ROBO2: variants seen among roughly 807,000 people sequenced by gnomAD.
The protein encoded by ROBO2 is roundabout guidance receptor 2.
A neutral mutation model predicts 160.8 loss-of-function variants in ROBO2; 53 were observed. The ratio of observed to expected loss-of-function variants is 0.33; its 90% confidence interval spans 0.26 to 0.41. The LOEUF (loss-of-function observed/expected upper bound fraction) is 0.41. ROBO2 is among the 10% of genes least tolerant of loss of function. The pLI is 1.00. For missense variants in ROBO2, 1,577 were observed against 1,722.4 expected (o/e 0.92, Z 1.49); for synonymous variants, 664 against 611.7 (o/e 1.09, Z -1.26).
chr3:77,567,950 C>A (rs56049528), intron 12 of ROBO2, among the ~76,000 whole-genome samples: 21,765 of 151,982 alleles, frequency 0.14, 1,739 homozygotes, highest in South Asian at 0.18. Context: ...AACATCTGTA[C>A]AAAGCTGCTC....
chr3:77,548,146 T>TACATAC (rs1193031709), intron 7 of ROBO2, among the ~76,000 whole-genome samples: 2 of 149,898 alleles, frequency 1.3e-5, no homozygotes, highest in Non-Finnish European at 3.0e-5. Flanking sequence ...CACATACACA[T>TACATAC]ACATACACAT....
chr3:77,381,685 A>C (rs1263912222), intron 2 of ROBO2, among the ~76,000 whole-genome samples: 1 of 152,236 alleles, frequency 6.6e-6, no homozygotes, highest in East Asian at 1.9e-4. Context: ...GCTGTGAAGA[A>C]GAAAAATGAC....
chr3:76,732,473 C>T (rs1178084588), intron 2 of ROBO2, among the ~76,000 whole-genome samples: 4 of 151,974 alleles, frequency 2.6e-5, no homozygotes, highest in Non-Finnish European at 2.9e-5. Flanking sequence ...TAGGAGGCAG[C>T]GTGTGGGAAA....
intron 1 of ROBO2, among the ~76,000 whole-genome samples, chr3:77,059,859 T>G (rs1482945317): frequency 6.6e-6 from 1 of 152,100 alleles, no homozygotes; most frequent in African/African-American, 2.4e-5. Context: ...TTTTGTTGCT[T>G]TAATCACAGT....
chr3:76,055,108 A>G (rs1392407056), intron 2 of ROBO2, among the ~76,000 whole-genome samples: 2 of 152,178 alleles, frequency 1.3e-5, no homozygotes, highest in Admixed American at 6.5e-5. Context: ...CACATCTTAC[A>G]TGGCGGCAGG....
At chr3:76,813,223 A>G (rs530668548) in intron 2 of ROBO2, among the ~76,000 whole-genome samples, 1 of 152,192 alleles carries the variant, frequency 6.6e-6, no homozygotes, top group Admixed American at 6.5e-5. Flanking sequence ...GACATTTTCC[A>G]TGTTTAAATA....
intron 2 of ROBO2, among the ~76,000 whole-genome samples, chr3:76,272,937 AATATATAAAATATAT>A (rs1707631141): frequency 4.3e-5 from 1 of 23,326 alleles, no homozygotes; most frequent in Non-Finnish European, 1.4e-4. Context: ...TTTATATATA[AATATATAAAATATAT>A]AATATATATT....
intron 2 of ROBO2, among the ~76,000 whole-genome samples, chr3:76,711,159 A>G (rs765132578): frequency 5.9e-5 from 9 of 152,224 alleles, no homozygotes; most frequent in Non-Finnish European, 1.3e-4. Context: ...AAAGAGGTTT[A>G]GTTGACTCAC....
intron 2 of ROBO2, among the ~76,000 whole-genome samples, chr3:76,104,138 G>C (rs1229901257): frequency 1.3e-5 from 2 of 152,088 alleles, no homozygotes; most frequent in Non-Finnish European, 2.9e-5. Context: ...AACAAATCTG[G>C]AGAAAATATA....
chr3:77,560,695 A>T lies in ROBO2; in HGVS notation c.1438-1956A>T, dbSNP rs1035742714. Among the ~76,000 whole-genome samples the T allele has an allele frequency of 5.3e-5, 8 of 152,264 alleles. No homozygotes were observed. The East Asian group carries it at 1.6e-3, about 30-fold the overall frequency. On this transcript the variant is annotated intron_variant, in intron 9 of 25. Transcript: ENST00000461745. Reference sequence around the variant, plus strand: ...ATCTTTATCTTTTGAGAAGTAGAATATTCCAGCACTCATTAAAATATACCT... The same window carrying T: ...ATCTTTATCTTTTGAGAAGTAGAATTTTCCAGCACTCATTAAAATATACCT...
intron 2 of ROBO2, among the ~76,000 whole-genome samples, chr3:77,212,603 C>G (rs2084332726): frequency 1.3e-5 from 2 of 152,112 alleles, no homozygotes; most frequent in African/African-American, 4.8e-5. Flanking sequence ...CCAGAACTTC[C>G]AACACTATGT....
In ROBO2 at chr3:77,487,981, A is replaced by C. The variant is rs147060008; in HGVS notation, c.668-5263A>C. 2.3e-3 allele frequency among the ~76,000 whole-genome samples: 355 copies of C among 152,286 alleles called. 1 individual carries two copies. The highest frequency in any genetic ancestry group is 8.1e-3 in the African/African-American group (338 of 41,566). On this transcript the variant is annotated intron_variant, in intron 4 of 25. Coordinates refer to ENST00000461745, the Ensembl canonical transcript of ROBO2. ...GGGCACTTAATTTTTTCATGTAACT[A>C]AGTAACTTAAGAGATACTATGCAAC...
intron 2 of ROBO2, among the ~76,000 whole-genome samples, chr3:77,391,111 T>A (rs1337414785): frequency 5.3e-5 from 8 of 152,142 alleles, no homozygotes; most frequent in African/African-American, 1.9e-4. Context: ...CAAGGGTCTA[T>A]GATTTTGGAG....
chr3:76,458,645 A>C, intron 2 of ROBO2, among the ~76,000 whole-genome samples: 1 of 152,144 alleles, frequency 6.6e-6, no homozygotes, highest in Non-Finnish European at 1.5e-5. Context: ...CACGCTGCTG[A>C]TAAAGACATA....
In ROBO2 at chr3:76,838,716, T is replaced by C. The variant is rs183381201; in HGVS notation, c.110-259298T>C. On this transcript the variant is annotated intron_variant, in intron 2 of 26. Coordinates refer to the ROBO2 transcript ENST00000487694. Reference sequence around the variant, plus strand: ...GTAAATTACAAATGACCTTATGGCATTATGTTATTCATTGTAAGGGCTCCG... The same window carrying C: ...GTAAATTACAAATGACCTTATGGCACTATGTTATTCATTGTAAGGGCTCCG... Among the ~76,000 whole-genome samples the C allele has an allele frequency of 1.8e-3, 275 of 152,174 alleles. 2 individuals are homozygous for C. The highest frequency in any genetic ancestry group is 3.1e-3 in the South Asian group (15 of 4,828).
At chr3:76,791,149 C>A (rs866207838) in intron 2 of ROBO2, among the ~76,000 whole-genome samples, 3 of 151,680 alleles carry the variant, frequency 2.0e-5, no homozygotes, top group African/African-American at 2.4e-5. Context: ...GTGTACCTTG[C>A]AGAATAGTTG....
At chr3:76,867,346 T>C (rs1474713305) in intron 2 of ROBO2, among the ~76,000 whole-genome samples, 2 of 152,216 alleles carry the variant, frequency 1.3e-5, no homozygotes, top group Non-Finnish European at 2.9e-5. Context: ...TATTGAGGAA[T>C]GTACACTCAG....
chr3:76,526,065 T>G (rs978335822), intron 2 of ROBO2, among the ~76,000 whole-genome samples: 3 of 151,942 alleles, frequency 2.0e-5, no homozygotes, highest in Non-Finnish European at 4.4e-5. Flanking sequence ...AAAACAAGTC[T>G]TGATTAGCTG....
At chr3:77,418,595 A>G (rs2077451987) in intron 2 of ROBO2, among the ~76,000 whole-genome samples, 1 of 152,132 alleles carries the variant, frequency 6.6e-6, no homozygotes, top group African/African-American at 2.4e-5. Flanking sequence ...GCCACAAAGA[A>G]AAGTATTGTG....
Sources: allele counts gnomAD v4.1 joint callset (sites outside exome capture counted in the v4.1 genomes callset), GRCh38; gene constraint gnomAD v4.1.1; transcripts MANE v1.5; gene names NCBI Gene and HGNC (gene_info 2026-07-23, HGNC 2026-07-21).